The following C7orf78 variants were observed in gnomAD, a reference collection of about 807,000 sequenced individuals.
C7orf78 encodes putative uncharacterized protein C7orf78.
the C7orf78 span, among the ~76,000 whole-genome samples, chr7:12,525,208 G>C: frequency 1.1e-4 from 16 of 152,120 alleles, no homozygotes; most frequent in South Asian, 3.3e-3. Flanking sequence ...CGTTTACTTA[G>C]CTTTTGAGTA....
chr7:12,504,358 C>A, the C7orf78 span: 1 of 152,130 alleles, frequency 6.6e-6, no homozygotes, highest in Non-Finnish European at 1.5e-5. Flanking sequence ...TCTTTTTCTA[C>A]TCTGACTTGA....
chr7:12,538,217 A>G, the C7orf78 span: 2 of 152,376 alleles, frequency 1.3e-5, no homozygotes, highest in Admixed American at 6.5e-5. Flanking sequence ...TCAAAAAGAA[A>G]GAAAGAAAGC....
At chr7:12,524,797 C>G in the C7orf78 span, among the ~76,000 whole-genome samples, 1 of 149,086 alleles carries the variant, frequency 6.7e-6, no homozygotes, top group Non-Finnish European at 1.5e-5. Context: ...GAGCCGAGAT[C>G]TCACCACTGC....
chr7:12,509,455 C>G, the C7orf78 span, among the ~76,000 whole-genome samples: 1 of 152,154 alleles, frequency 6.6e-6, no homozygotes. Flanking sequence ...CAGATTTATT[C>G]TAATTAACCC....
chr7:12,537,408 C>T, the C7orf78 span, among the ~76,000 whole-genome samples: 1 of 152,166 alleles, frequency 6.6e-6, no homozygotes, highest in East Asian at 1.9e-4. Flanking sequence ...TCCCATGGCA[C>T]ATGGGAATTG....
At chr7:12,505,168 T>C in the C7orf78 span, among the ~76,000 whole-genome samples, 1 of 152,004 alleles carries the variant, frequency 6.6e-6, no homozygotes, top group African/African-American at 2.4e-5. Flanking sequence ...AAAAATATGA[T>C]TAGATGTTTG....
the C7orf78 span, among the ~76,000 whole-genome samples, chr7:12,513,491 T>A: frequency 1.3e-5 from 2 of 152,178 alleles, no homozygotes; most frequent in East Asian, 1.9e-4. Context: ...ATTAAAAAAA[T>A]TTTCTTCTTT....
chr7:12,491,806 C>A, the C7orf78 span: 2 of 152,138 alleles, frequency 1.3e-5, no homozygotes, highest in Non-Finnish European at 2.9e-5. Flanking sequence ...TGATAACATT[C>A]TTTTGCTTCT....
At chr7:12,520,218 G>A in the C7orf78 span, among the ~76,000 whole-genome samples, 2 of 152,182 alleles carry the variant, frequency 1.3e-5, no homozygotes, top group African/African-American at 4.8e-5. Context: ...GGACTCCGGT[G>A]TTCTCTACTA....
the C7orf78 span, chr7:12,525,927 A>G: frequency 2.5e-6 from 1 of 396,574 alleles, no homozygotes; most frequent in African/African-American, 2.1e-5. Flanking sequence ...GATGTTATGA[A>G]TATTGGAAAA....
chr7:12,515,024 A>T, the C7orf78 span, among the ~76,000 whole-genome samples: 1 of 152,144 alleles, frequency 6.6e-6, no homozygotes. Context: ...GGTAACTAGA[A>T]GCTTTTCTCT....
At chr7:12,525,924 T>C in the C7orf78 span, 3 of 396,750 alleles carry the variant, frequency 7.6e-6, no homozygotes, top group Non-Finnish European at 1.3e-5. Context: ...TAAGATGTTA[T>C]GAATATTGGA....
chr7:12,492,326 G>T, the C7orf78 span, among the ~76,000 whole-genome samples: 1 of 152,150 alleles, frequency 6.6e-6, no homozygotes, highest in Non-Finnish European at 1.5e-5. Flanking sequence ...CCAAGTCATT[G>T]GGAAGCACCT....
chr7:12,491,028 G>T, the C7orf78 span: 1 of 152,034 alleles, frequency 6.6e-6, no homozygotes, highest in African/African-American at 2.4e-5. Flanking sequence ...CCATTTGCAA[G>T]ATCATCTGGA....
At chr7:12,503,304 A>G in the C7orf78 span, among the ~76,000 whole-genome samples, 1 of 152,064 alleles carries the variant, frequency 6.6e-6, no homozygotes, top group Non-Finnish European at 1.5e-5. Flanking sequence ...AGATAATTGG[A>G]AACTTGAATT....
At chr7:12,535,178 G>GTT in the C7orf78 span, among the ~76,000 whole-genome samples, 1 of 152,122 alleles carries the variant, frequency 6.6e-6, no homozygotes, top group African/African-American at 2.4e-5. Context: ...GGAAGCATAG[G>GTT]TTTATTCATC....
the C7orf78 span, among the ~76,000 whole-genome samples, chr7:12,532,523 C>T: frequency 2.0e-5 from 3 of 146,576 alleles, no homozygotes; most frequent in East Asian, 2.0e-4. Context: ...CACACCAGCC[C>T]GGATGACAGA....
the C7orf78 span, among the ~76,000 whole-genome samples, chr7:12,507,901 C>T: frequency 6.6e-6 from 1 of 152,178 alleles, no homozygotes; most frequent in Non-Finnish European, 1.5e-5. Context: ...CTTTAATTTA[C>T]CAGACCGTCT....
the C7orf78 span, among the ~76,000 whole-genome samples, chr7:12,499,524 A>T: frequency 6.7e-6 from 1 of 148,932 alleles, no homozygotes; most frequent in East Asian, 2.0e-4. Flanking sequence ...CAACAAGAAG[A>T]GCTAACTATC....
Sources: allele counts gnomAD v4.1 joint callset (sites outside exome capture counted in the v4.1 genomes callset), GRCh38; gene constraint gnomAD v4.1.1; transcripts MANE v1.5; gene names NCBI Gene and HGNC (gene_info 2026-07-23, HGNC 2026-07-21).